Variants in ADCY7 observed in about 807,000 individuals in gnomAD.
The protein encoded by ADCY7 is adenylate cyclase 7, also known as adenylate cyclase type 7.
ADCY7 carries 72 observed loss-of-function variants against 120.6 expected under a neutral mutation model. That is an observed-to-expected ratio of 0.60 (90% CI 0.49 to 0.73). The LOEUF (loss-of-function observed/expected upper bound fraction) is 0.73. Among genes scored for constraint, ADCY7 ranks in the 30% least tolerant of loss-of-function variants. ADCY7 has a pLI of 0.00. For missense variants in ADCY7, 1,227 were observed against 1,486.0 expected (o/e 0.83, Z 2.87); for synonymous variants, 661 against 628.0 (o/e 1.05, Z -0.78).
At chr16:50,304,732 A>T (rs1363787605) in intron 11 of ADCY7, among the ~76,000 whole-genome samples, 181 bp downstream of exon 11, 1 of 152,182 alleles carries the variant, frequency 6.6e-6, no homozygotes, top group East Asian at 1.9e-4. Context: ...ATACTCCGGG[A>T]TGGCCAGGAA....
Position 50,314,076 on chromosome 16 carries a change from A to G in ADCY7, c.2856+14A>G. The G allele has an allele frequency of 1.2e-6, 2 of 1,611,398 alleles. No homozygotes were observed. Among genetic ancestry groups the G allele is most frequent in the Non-Finnish European group, 1.7e-6 (2 of 1,177,744 alleles). On this transcript the variant is annotated intron_variant, in intron 23 of 25. Transcript: ENST00000673801. ...CACGAGAACCAGGTACTCAAGCCCA[A>G]GAGGTGAAATTCAGCTGACTGTCCT...
In ADCY7 at chr16:50,294,767, T is replaced by TACA. The variant is rs745987178; in HGVS notation, c.948+18_948+20dup. 1.9e-6 allele frequency: 3 copies of TACA among 1,585,440 alleles called. No individual in the cohort carries two copies. In the East Asian group the frequency reaches 6.7e-5, roughly 36 times the overall value. ...GATCGCCAAGGTGAGCCCGCTGGCC[T>TACA]ACAATGGGCAAAGCCAGGCCCCTCC... On this transcript the variant is annotated intron_variant, in intron 7 of 25. Coordinates refer to ENST00000673801, the MANE Select transcript of ADCY7 (RefSeq NM_001114.5).
intron 2 of ADCY7, among the ~76,000 whole-genome samples, chr16:50,289,523 T>C (rs1042032512): frequency 4.6e-5 from 7 of 152,368 alleles, no homozygotes; most frequent in Non-Finnish European, 1.0e-4. Flanking sequence ...TGGAGTGCAA[T>C]GGCACCAACT....
Position 50,314,351 on chromosome 16 carries a change from G to A in ADCY7, c.2916G>A (p.Met972Ile), listed in dbSNP as rs2036668007. ...GVMVEFSIAL[M>I]SKLDGINRHS... ...TGGTGGAGTTCAGCATCGCCCTGATGAGTAAGCTGGACGGCATCAACAGGC... is the reference window on the plus strand; with the variant it reads ...TGGTGGAGTTCAGCATCGCCCTGATAAGTAAGCTGGACGGCATCAACAGGC... Residue 972 changes from methionine to isoleucine, a missense_variant, in exon 24 of 26, where the codon ATG (methionine) becomes ATA (isoleucine). Physicochemically the swap from Met to Ile is conservative, Grantham distance 10 (BLOSUM62 1). Around this residue, in one of 5 missense-constraint regions of ADCY7, gnomAD observed 244 missense variants for 332.8 expected, o/e 0.73. Transcript: ENST00000673801. 1.9e-6 allele frequency: 3 copies of A among 1,614,052 alleles called. No individual in the cohort carries two copies. The highest frequency in any genetic ancestry group is 2.2e-5 in the South Asian group (2 of 91,084).
At chr16:50,304,075 C>T (rs1292718644) in intron 10 of ADCY7, among the ~76,000 whole-genome samples, 1 of 152,038 alleles carries the variant, frequency 6.6e-6, no homozygotes. Flanking sequence ...GGGTTGGGTA[C>T]AGTGGTGGGT....
In ADCY7 at chr16:50,315,716, A is replaced by G. The variant is rs1257840992; in HGVS notation, c.*211A>G. On this transcript the variant is annotated 3_prime_UTR_variant, in exon 26 of 26. Coordinates refer to ENST00000673801, the MANE Select transcript of ADCY7 (RefSeq NM_001114.5). ...TGAGCCATAATGCGCAGGGGAGGCCAGAAGCTCTGTGCCTGGTCTGTAACA... is the reference window on the plus strand; with the variant it reads ...TGAGCCATAATGCGCAGGGGAGGCCGGAAGCTCTGTGCCTGGTCTGTAACA... 1 of 556,118 alleles carries G rather than the reference A, an allele frequency of 1.8e-6. No homozygotes were observed. Among genetic ancestry groups the G allele is most frequent in the Non-Finnish European group, 3.1e-6 (1 of 321,162 alleles). 34.4% of individuals were successfully genotyped at this position (556,118 alleles called of 1,614,324 possible). A position where few individuals can be genotyped will look rare whatever the true frequency, so the allele number is the denominator to read the frequency against.
chr16:50,251,630 A>G (rs1432475617), intron 1 of ADCY7, among the ~76,000 whole-genome samples: 1 of 152,246 alleles, frequency 6.6e-6, no homozygotes, highest in Non-Finnish European at 1.5e-5. Context: ...TCTTTTGCCA[A>G]CTTAGAAGGC....
At chr16:50,275,183 C>T (rs2033806656) in intron 1 of ADCY7, among the ~76,000 whole-genome samples, 1 of 152,214 alleles carries the variant, frequency 6.6e-6, no homozygotes, top group Non-Finnish European at 1.5e-5. Context: ...TCACTCAGGC[C>T]TCTCCTCTCA....
Position 50,281,281 on chromosome 16 carries a change from G to T in ADCY7, c.-268-6631G>T, listed in dbSNP as rs117895389. 3.9e-4 allele frequency among the ~76,000 whole-genome samples: 59 copies of T among 152,352 alleles called. No homozygotes were observed. The East Asian group carries it at 7.3e-3, about 19-fold the overall frequency. On this transcript the variant is annotated intron_variant, in intron 1 of 25. Coordinates refer to ENST00000673801, the MANE Select transcript of ADCY7 (RefSeq NM_001114.5). ...GATGAGGAAACTGAGGCCAGAGTGT[G>T]CAGGCGACTGCTATTCACAGGCCAT...
chr16:50,300,589 TTC>T, intron 8 of ADCY7, 124 bp from the exon 9 acceptor site: 2 of 1,158,412 alleles, frequency 1.7e-6, no homozygotes, highest in Non-Finnish European at 2.4e-6. Flanking sequence ...GCTGAGAACA[TTC>T]TCTCCCGTGG....
intron 7 of ADCY7, among the ~76,000 whole-genome samples, chr16:50,296,647 C>T (rs1469452178): frequency 1.3e-5 from 2 of 152,018 alleles, no homozygotes; most frequent in Admixed American, 6.6e-5. Context: ...TGAGCCACTG[C>T]GCCTGGCCAG....
At chr16:50,291,056 G>A (rs962048416) in intron 3 of ADCY7, among the ~76,000 whole-genome samples, 3 of 152,088 alleles carry the variant, frequency 2.0e-5, no homozygotes, top group Non-Finnish European at 2.9e-5. Context: ...AGTTCACAGC[G>A]GCTCCAGGCT....
chr16:50,302,853 G>C (rs548054176), intron 10 of ADCY7, among the ~76,000 whole-genome samples: 1 of 152,188 alleles, frequency 6.6e-6, no homozygotes, highest in African/African-American at 2.4e-5. Flanking sequence ...CAGGGTGCTC[G>C]TCTGTAGCTC....
rs1026741423 is a variant in ADCY7 at position 50,290,740 on chromosome 16, C to T, written c.375+80C>T. 2.1e-6 allele frequency: 3 copies of T among 1,461,306 alleles called. No homozygotes were observed. In the African/African-American group the frequency reaches 4.2e-5, roughly 20 times the overall value. The allele number at this position is 1,461,306 out of a possible 1,614,324, so 90.5% of individuals were successfully genotyped here. ...GTGGTTGGTGGGCATGCCACAGGCC[C>T]TTCGTGCCCCACGCTTGGCTGTGTG... On this transcript the variant is annotated intron_variant, in intron 3 of 25. Transcript: ENST00000673801.
chr16:50,253,543 C>T (rs559047512), intron 1 of ADCY7, among the ~76,000 whole-genome samples: 44 of 152,272 alleles, frequency 2.9e-4, no homozygotes, highest in African/African-American at 8.9e-4. Context: ...TGTGAGCCAC[C>T]GCACCCAGCC....
chr16:50,298,434 C>T (rs1013342294), intron 7 of ADCY7, among the ~76,000 whole-genome samples: 2 of 152,196 alleles, frequency 1.3e-5, no homozygotes, highest in Non-Finnish European at 2.9e-5. Flanking sequence ...CATCACTTCC[C>T]TCCTGTGCCT....
In ADCY7 at chr16:50,294,698, G is replaced by A; in HGVS notation, c.895G>A (p.Glu299Lys). 6.2e-7 allele frequency: 1 copy of A among 1,613,814 alleles called. No homozygotes were observed. ...GCTGGCCAGCGACTGTTCTCCCAAG[G>A]AGCTGGTGGTGGTGCTGAATGAGCT... ...TQLASDCSPK[E>K]LVVVLNELFG... The change falls in exon 7 of 26, where the codon GAG (glutamate) becomes AAG (lysine). Residue 299 changes from glutamate (E) to lysine (K), a missense_variant. Physicochemically the swap from Glu to Lys is moderately conservative, Grantham distance 56. Transcript: ENST00000673801.
chr16:50,292,739 A>C lies in ADCY7; in HGVS notation c.601A>C (p.Met201Leu), dbSNP rs1320295735. 1.2e-6 allele frequency: 2 copies of C among 1,613,872 alleles called. No homozygotes were observed. Among genetic ancestry groups the C allele is most frequent in the East Asian group, 4.5e-5 (2 of 44,898 alleles). Residue 201 changes from methionine to leucine, a missense_variant, in exon 5 of 26, where the codon ATG becomes CTG. Coordinates refer to ENST00000673801, the MANE Select transcript of ADCY7 (RefSeq NM_001114.5). ...NLTGAFHKHQMQDASRDLFTY... is the reference protein window; with the variant it reads ...NLTGAFHKHQLQDASRDLFTY... ...GACAGGCGCCTTCCACAAGCACCAA[A>C]TGCAGGATGCATCCCGGGACCTCTT... is the stretch of plus-strand genomic sequence containing the variant.
chr16:50,287,141 G>T (rs1006008030), intron 1 of ADCY7, among the ~76,000 whole-genome samples: 8 of 151,584 alleles, frequency 5.3e-5, no homozygotes, highest in African/African-American at 1.9e-4. Flanking sequence ...TCAGCTTCCC[G>T]AGTAGCTGGG....
Sources: allele counts gnomAD v4.1 joint callset (sites outside exome capture counted in the v4.1 genomes callset), GRCh38; gene constraint gnomAD v4.1.1; regional missense constraint gnomAD v4.1.1; transcripts MANE v1.5; gene names NCBI Gene and HGNC (gene_info 2026-07-23, HGNC 2026-07-21).